Variants in TCTN2 observed in about 807,000 individuals in gnomAD.
The protein encoded by TCTN2 is tectonic family member 2, also known as tectonic-2.
A neutral mutation model predicts 83.4 loss-of-function variants in TCTN2; 66 were observed. The ratio of observed to expected loss-of-function variants is 0.79; its 90% CI spans 0.65 to 0.97. The LOEUF is 0.97. Among genes scored for constraint, TCTN2 ranks in the 50% least tolerant of loss-of-function variants. TCTN2 has a pLI of 0.00. For missense variants in TCTN2, 794 were observed against 858.1 expected, an observed-to-expected ratio of 0.93 and a Z score of 0.93; for synonymous variants, 301 against 326.7, an observed-to-expected ratio of 0.92 and a Z score of 0.85.
At chr12:123,672,574 A>G (rs1208260008) in intron 3 of TCTN2, among the ~76,000 whole-genome samples, 1 of 151,618 alleles carries the variant, frequency 6.6e-6, no homozygotes, top group Non-Finnish European at 1.5e-5. Flanking sequence ...TCTCTACAAA[A>G]CAATTAAAAA....
chr12:123,690,487 T>A lies in TCTN2; in HGVS notation c.892-46T>A, dbSNP rs774160363. ...AGGGATGCTGATCTGTTTTGTATGATTAGGAGAGAGGCCATAAATCTGTTG... is the reference window on the plus strand; with the variant it reads ...AGGGATGCTGATCTGTTTTGTATGAATAGGAGAGAGGCCATAAATCTGTTG... On this transcript the variant is annotated intron_variant, in intron 7 of 17. Coordinates refer to ENST00000303372, the MANE Select transcript of TCTN2 (RefSeq NM_024809.5). The A allele has an allele frequency of 1.2e-5, 19 of 1,613,820 alleles. No individual in the cohort carries two copies. The South Asian group carries it at 2.1e-4, about 18-fold the overall frequency.
At chr12:123,677,658 C>A (rs1191092398) in intron 4 of TCTN2, among the ~76,000 whole-genome samples, 1 of 152,158 alleles carries the variant, frequency 6.6e-6, no homozygotes, top group African/African-American at 2.4e-5. Context: ...TAGCATTTCT[C>A]CTGAGCTGCT....
chr12:123,673,712 C>G lies in TCTN2; in HGVS notation c.365C>G (p.Thr122Ser). 6.2e-7 allele frequency: 1 copy of G among 1,614,166 alleles called. No homozygotes were observed. The highest frequency in any genetic ancestry group is 8.5e-7 in the Non-Finnish European group (1 of 1,180,000). The part of the protein sequence containing the change: ...SFSESPCILQ[T>S]LLVSASHNSS... ...TCAGAGTCCCCCTGTATCCTCCAGA[C>G]CCTTCTGGTTTCAGCATCTCATAAT... Residue 122 changes from threonine (T) to serine (S), a missense_variant, in exon 4 of 18, where the codon ACC becomes AGC. Physicochemically the swap from Thr to Ser is moderately conservative, Grantham distance 58 (BLOSUM62 1). Transcript: ENST00000303372.
At position 123,708,310 on chromosome 12, in the gene TCTN2, A is replaced by C. The variant is rs1278735313; in HGVS notation, c.*597A>C. 1 of 155,356 alleles carries C rather than the reference A, an allele frequency of 6.4e-6. No homozygotes were observed. The highest frequency in any genetic ancestry group is 2.4e-5 in the African/African-American group (1 of 41,434). 9.6% of individuals were successfully genotyped at this position (155,356 alleles called of 1,614,324 possible). On this transcript the variant is annotated 3_prime_UTR_variant, in exon 18 of 18. Transcript: ENST00000303372. Reference sequence around the variant, plus strand: ...GTCCGGTCCATCTGACTTCTCAAAGACTTTAGACCTTGACTTCAGTGATTT... The same window carrying C: ...GTCCGGTCCATCTGACTTCTCAAAGCCTTTAGACCTTGACTTCAGTGATTT...
intron 14 of TCTN2, among the ~76,000 whole-genome samples, chr12:123,702,123 A>G (rs1247110412): frequency 6.6e-6 from 1 of 152,030 alleles, no homozygotes; most frequent in African/African-American, 2.4e-5. Flanking sequence ...TTTCTTGGGG[A>G]GCCTTGAGTC....
At position 123,694,825 on chromosome 12, in the gene TCTN2, T is replaced by C. The variant is rs538341461; in HGVS notation, c.1100-17T>C. 417 of 1,609,098 alleles carry C rather than the reference T, an allele frequency of 2.6e-4. 5 individuals carry two copies. In the South Asian group the frequency reaches 4.4e-3, roughly 17 times the overall value. On this transcript the variant is annotated splice_polypyrimidine_tract_variant and intron_variant, in intron 9 of 17. Coordinates refer to ENST00000303372, the MANE Select transcript of TCTN2 (RefSeq NM_024809.5). ...AAAGAGGGTCTTTAATTTATGAACA[T>C]ATTCTTGTATTTGCAGAAACTCCTT...
In TCTN2 at chr12:123,699,771, G is replaced by C. The variant is rs763505614; in HGVS notation, c.1573G>C (p.Asp525His). The C allele has an allele frequency of 6.2e-7, 1 of 1,614,134 alleles. No individual in the cohort carries two copies. Among genetic ancestry groups the C allele is most frequent in the East Asian group, 2.2e-5 (1 of 44,870 alleles). ...TCACGTTGCAATGAGAGGCAACTCC[G>C]ATTACGCTGATCTTAGTGATGGCTG... ...ATHVAMRGNS[D>H]YADLSDGWLE... is the part of the protein sequence containing the mutation. The change falls in exon 14 of 18, where the codon GAT becomes CAT. Residue 525 changes from aspartate (D) to histidine (H), a missense_variant. Asp to His is a moderately conservative substitution (Grantham distance 81). Coordinates refer to ENST00000303372, the MANE Select transcript of TCTN2 (RefSeq NM_024809.5).
chr12:123,707,151 C>T, intron 17 of TCTN2, 78 bp downstream of exon 17: 2 of 1,197,730 alleles, frequency 1.7e-6, no homozygotes, highest in Non-Finnish European at 2.4e-6. Context: ...CTAAATGTTA[C>T]AGAAAGCATA....
At chr12:123,672,973 C>T (rs1593829947) in intron 3 of TCTN2, among the ~76,000 whole-genome samples, 2 of 152,036 alleles carry the variant, frequency 1.3e-5, no homozygotes, top group Admixed American at 6.6e-5. Context: ...TCACTTGAAC[C>T]CGGGAGGCAG....
intron 2 of TCTN2, 94 bp from the exon 3 acceptor site, chr12:123,671,962 G>C: frequency 9.8e-7 from 1 of 1,021,672 alleles, no homozygotes; most frequent in South Asian, 1.3e-5. Context: ...CCAATCTTAG[G>C]CTGTAATGTG....
At chr12:123,693,984 ATTTTTGTATT>A (rs1956078015) in intron 9 of TCTN2, among the ~76,000 whole-genome samples, 1 of 150,138 alleles carries the variant, frequency 6.7e-6, no homozygotes, top group Admixed American at 6.6e-5. Context: ...ATCCCGGCTA[ATTTTTGTATT>A]TTTTTGTATT....
intron 14 of TCTN2, among the ~76,000 whole-genome samples, chr12:123,700,975 A>G (rs1386022136): frequency 6.6e-6 from 1 of 152,188 alleles, no homozygotes; most frequent in African/African-American, 2.4e-5. Flanking sequence ...AAAATAAAAT[A>G]CATTAAAACA....
Position 123,690,618 on chromosome 12 carries a change from T to G in TCTN2, c.977T>G (p.Leu326Arg), listed in dbSNP as rs779486625. ...GTTAAATGCGTTACTAATTTGGAAC[T>G]ATACCAAGAACGAGATGGTATTATC... ...FDVKCVTNLE[L>R]YQERDGIINA... Residue 326 changes from leucine to arginine, a missense_variant, in exon 8 of 18, where the codon CTA becomes CGA. Coordinates refer to ENST00000303372, the MANE Select transcript of TCTN2 (RefSeq NM_024809.5). 3.7e-6 allele frequency: 6 copies of G among 1,614,074 alleles called. No homozygotes were observed. Among genetic ancestry groups the G allele is most frequent in the Non-Finnish European group, 4.2e-6 (5 of 1,180,018 alleles).
intron 5 of TCTN2, among the ~76,000 whole-genome samples, chr12:123,681,779 G>A (rs1030414345): frequency 1.8e-4 from 27 of 152,204 alleles, no homozygotes; most frequent in East Asian, 1.9e-4. Flanking sequence ...GCTGGGTTGC[G>A]TTATTACTGT....
intron 8 of TCTN2, 41 bp from the exon 9 acceptor site, chr12:123,692,617 A>G (rs747935779): frequency 4.8e-6 from 7 of 1,458,034 alleles, no homozygotes; most frequent in South Asian, 2.3e-5. Flanking sequence ...ATGGTAGGCC[A>G]TGTGTACGCC....
At chr12:123,687,085 G>A (rs1397837457) in intron 6 of TCTN2, 50 bp downstream of exon 6, 2 of 1,608,894 alleles carry the variant, frequency 1.2e-6, no homozygotes, top group Non-Finnish European at 1.7e-6. Flanking sequence ...TCCCGCCCTG[G>A]TGGGGCCATA....
In TCTN2 at chr12:123,708,000, AC is replaced by A. The variant is rs1956252189; in HGVS notation, c.*290del. 5.1e-6 allele frequency: 1 copy of A among 194,214 alleles called. No homozygotes were observed. Among genetic ancestry groups the A allele is most frequent in the Non-Finnish European group, 9.4e-6 (1 of 106,436 alleles). 12.0% of individuals were successfully genotyped at this position (194,214 alleles called of 1,614,324 possible). ...TGAGATTACAGGCATGAGCCACCGC[AC>A]CCGGCCTTTTTTTTTTTTTTTTTTT... On this transcript the variant is annotated 3_prime_UTR_variant, in exon 18 of 18. Coordinates refer to ENST00000303372, the MANE Select transcript of TCTN2 (RefSeq NM_024809.5).
intron 14 of TCTN2, among the ~76,000 whole-genome samples, chr12:123,701,798 A>G (rs1956176455): frequency 6.6e-6 from 1 of 152,030 alleles, no homozygotes; most frequent in African/African-American, 2.4e-5. Flanking sequence ...CATGGGGGCC[A>G]GATAGAAAGA....
chr12:123,676,284 A>C (rs1481402027), intron 4 of TCTN2, among the ~76,000 whole-genome samples: 1 of 151,758 alleles, frequency 6.6e-6, no homozygotes, highest in African/African-American at 2.4e-5. Flanking sequence ...GTCTCTAAAA[A>C]AAGACCGGGC....
Sources: allele counts gnomAD v4.1 joint callset (sites outside exome capture counted in the v4.1 genomes callset), GRCh38; gene constraint gnomAD v4.1.1; transcripts MANE v1.5; gene names NCBI Gene and HGNC (gene_info 2026-07-23, HGNC 2026-07-21).